The following KIF11 variants were observed in gnomAD, a reference collection of about 807,000 sequenced individuals.
KIF11 encodes the protein kinesin-like protein KIF11.
KIF11 carries 9 observed loss-of-function variants against 121.0 expected under a neutral mutation model. The observed-to-expected ratio is 0.07, with a 90% CI of 0.04 to 0.13. The LOEUF is 0.13. KIF11 is among the 10% of genes least tolerant of loss of function. The pLI is 1.00. For synonymous variants in KIF11, 408 were observed against 421.0 expected, an observed-to-expected ratio of 0.97 and a Z score of 0.38; for missense variants, 846 against 1,217.5, an observed-to-expected ratio of 0.69 and a Z score of 4.54.
chr10:92,645,390 G>T lies in KIF11; in HGVS notation c.2295G>T (p.Met765Ile). 6.2e-7 allele frequency: 1 copy of T among 1,611,712 alleles called. No homozygotes were observed. Among genetic ancestry groups the T allele is most frequent in the South Asian group, 1.1e-5 (1 of 90,758 alleles). ...QQKSKDIVNK[M>I]TFHSQKFCAD... ...AATCTAAGGATATAGTCAACAAAAT[G>T]ACTTTTCACAGTCAAAAATTTTGTG... The change falls in exon 18 of 22, where the codon ATG becomes ATT. Residue 765 changes from methionine (M) to isoleucine (I), a missense_variant. Around this residue, in one of 5 missense-constraint regions of KIF11, gnomAD observed 492 missense variants for 603.4 expected, o/e 0.82. Transcript: ENST00000260731.
chr10:92,647,743 G>A (rs1489072090), intron 18 of KIF11, among the ~76,000 whole-genome samples: 2 of 152,116 alleles, frequency 1.3e-5, no homozygotes, highest in Non-Finnish European at 2.9e-5. Flanking sequence ...TCCACTTGTT[G>A]GTAAATGTTG....
intron 4 of KIF11, 140 bp from the exon 5 acceptor site, chr10:92,608,880 G>T: frequency 1.9e-6 from 1 of 523,618 alleles, no homozygotes; most frequent in Non-Finnish European, 3.3e-6. Flanking sequence ...CTAACATTAG[G>T]TTAGTTGTTT....
chr10:92,612,026 A>G lies in KIF11; in HGVS notation c.699-1014A>G, dbSNP rs1316743688. 3.3e-5 allele frequency among the ~76,000 whole-genome samples: 5 copies of G among 152,242 alleles called. No individual in the cohort carries two copies. The East Asian group carries it at 9.6e-4, about 29-fold the overall frequency. On this transcript the variant is annotated intron_variant, in intron 6 of 21. Coordinates refer to ENST00000260731, the MANE Select transcript of KIF11 (RefSeq NM_004523.4). ...AACATAATAATGTTCACCAAATGCCATTGGATACAGAAAGAATGTCTTTGG... is the reference window on the plus strand; with the variant it reads ...AACATAATAATGTTCACCAAATGCCGTTGGATACAGAAAGAATGTCTTTGG...
intron 4 of KIF11, among the ~76,000 whole-genome samples, chr10:92,608,695 C>T (rs1844458264): frequency 6.6e-6 from 1 of 152,124 alleles, no homozygotes; most frequent in Non-Finnish European, 1.5e-5. Context: ...CCTTGACCTC[C>T]CAAAGTGCTG....
In KIF11 at chr10:92,637,392, A is replaced by T. The variant is rs772924103; in HGVS notation, c.2007A>T (p.Glu669Asp). The change falls in exon 16 of 22, where the codon GAA becomes GAT. Residue 669 changes from glutamate (E) to aspartate (D), a missense_variant. Physicochemically the swap from Glu to Asp is conservative, Grantham distance 45. Transcript: ENST00000260731. Reference protein sequence around the residue: ...KTSLTVADKIEDQKKELDGFL... With the variant: ...KTSLTVADKIDDQKKELDGFL... Reference sequence around the variant, plus strand: ...TCATTTTTGTTTCTTCAAAGATAGAAGATCAAAAAAAGGAACTAGATGGCT... The same window carrying T: ...TCATTTTTGTTTCTTCAAAGATAGATGATCAAAAAAAGGAACTAGATGGCT... The T allele has an allele frequency of 4.4e-6, 7 of 1,578,794 alleles. No individual in the cohort carries two copies. The East Asian group carries it at 1.4e-4, about 31-fold the overall frequency.
intron 14 of KIF11, 73 bp downstream of exon 14, chr10:92,633,868 A>T: frequency 1.0e-6 from 1 of 984,010 alleles, no homozygotes; most frequent in Non-Finnish European, 1.5e-6. Context: ...TTGAAGGGTT[A>T]CATTTGATAA....
At chr10:92,601,579 GTGGGCAT>G (rs1162557404) in intron 1 of KIF11, among the ~76,000 whole-genome samples, 6 of 150,964 alleles carry the variant, frequency 4.0e-5, no homozygotes, top group African/African-American at 1.5e-4. Flanking sequence ...AGTGGCAAAA[GTGGGCAT>G]TGGGCATCCT....
intron 8 of KIF11, among the ~76,000 whole-genome samples, chr10:92,614,077 A>G (rs1421072333): frequency 6.9e-6 from 1 of 144,382 alleles, no homozygotes; most frequent in African/African-American, 2.7e-5. Context: ...TATAGTAGGG[A>G]AAAAAAGTTC....
At chr10:92,596,883 T>C in intron 1 of KIF11, 1 of 225,808 alleles carries the variant, frequency 4.4e-6, no homozygotes, top group Non-Finnish European at 9.4e-6. Context: ...GGCCTCTTTG[T>C]TGATTCTGTG....
chr10:92,618,972 T>C (rs906576043), intron 9 of KIF11, among the ~76,000 whole-genome samples: 4 of 152,154 alleles, frequency 2.6e-5, no homozygotes, highest in African/African-American at 9.7e-5. Context: ...CTGTTATTGA[T>C]TGGAATCATA....
intron 12 of KIF11, among the ~76,000 whole-genome samples, 191 bp from the exon 13 acceptor site, chr10:92,632,295 G>T (rs528379489): frequency 1.3e-5 from 2 of 151,822 alleles, no homozygotes; most frequent in Admixed American, 1.3e-4. Context: ...AGCCTCTTGA[G>T]TAGCTGGAAC....
In KIF11 at chr10:92,628,872, G is replaced by T; in HGVS notation, c.1282G>T (p.Ala428Ser). 6.3e-7 allele frequency: 1 copy of T among 1,598,926 alleles called. No individual in the cohort carries two copies. Among genetic ancestry groups the T allele is most frequent in the Non-Finnish European group, 8.6e-7 (1 of 1,168,278 alleles). The change falls in exon 11 of 22, where the codon GCT (alanine) becomes TCT (serine). Residue 428 changes from alanine to serine, a missense_variant. Coordinates refer to ENST00000260731, the MANE Select transcript of KIF11 (RefSeq NM_004523.4). ...QIVELIEKIG[A>S]VEEELNRVTE... ...TGTAGAATTGATTGAAAAAATTGGT[G>T]CTGTTGAGGAGGAGCTGAATAGGGT...
intron 18 of KIF11, among the ~76,000 whole-genome samples, chr10:92,646,230 G>A (rs1589607254): frequency 6.6e-6 from 1 of 152,070 alleles, no homozygotes. Context: ...GGGATTACAG[G>A]CATGAGCCAC....
At chr10:92,653,453 C>A (rs866657202) in intron 21 of KIF11, among the ~76,000 whole-genome samples, 24 of 152,192 alleles carry the variant, frequency 1.6e-4, no homozygotes, top group Non-Finnish European at 2.8e-4. Context: ...ATTAATATTT[C>A]TTTCACTCTA....
intron 12 of KIF11, among the ~76,000 whole-genome samples, chr10:92,630,595 T>C (rs1486108524): frequency 1.3e-5 from 2 of 151,844 alleles, no homozygotes; most frequent in African/African-American, 4.8e-5. Flanking sequence ...TAGCTGGGAG[T>C]GGTGGCTCAC....
rs368854407 is a variant in KIF11 at position 92,637,374 on chromosome 10, T to C, written c.2002-13T>C. The C allele has an allele frequency of 1.1e-5, 17 of 1,578,964 alleles. No homozygotes were observed. Among genetic ancestry groups the C allele is most frequent in the Middle Eastern group, 1.7e-4 (1 of 5,988 alleles). ...GTTGTTTAAGAAGGAAACTCATTTT[T>C]GTTTCTTCAAAGATAGAAGATCAAA... On this transcript the variant is annotated splice_polypyrimidine_tract_variant and intron_variant, in intron 15 of 21. Coordinates refer to ENST00000260731, the MANE Select transcript of KIF11 (RefSeq NM_004523.4).
In KIF11 at chr10:92,593,282, A is replaced by G. The variant is rs896786457; in HGVS notation, c.-94A>G. ...GCCACGCCAGCGCCCGAGAGGGACC[A>G]GGGAGACTCCGGCCCCTGTCGGCCG... is the stretch of plus-strand genomic sequence containing the variant. On this transcript the variant is annotated 5_prime_UTR_variant, in exon 1 of 22. Coordinates refer to ENST00000260731, the MANE Select transcript of KIF11 (RefSeq NM_004523.4). The G allele has an allele frequency of 3.1e-6, 4 of 1,307,216 alleles. No homozygotes were observed. The highest frequency in any genetic ancestry group is 4.3e-6 in the Non-Finnish European group (4 of 940,354). 81.0% of individuals were successfully genotyped at this position (1,307,216 alleles called of 1,614,324 possible).
chr10:92,627,133 C>G (rs774203783), intron 10 of KIF11, among the ~76,000 whole-genome samples: 1 of 152,248 alleles, frequency 6.6e-6, no homozygotes, highest in Non-Finnish European at 1.5e-5. Context: ...TCTTCTCTTA[C>G]AGCTCTTTTC....
chr10:92,602,858 T>TGTGGG, intron 1 of KIF11, among the ~76,000 whole-genome samples: 1 of 125,148 alleles, frequency 8.0e-6, no homozygotes, highest in Admixed American at 8.3e-5. Context: ...GTGTGTGTGG[T>TGTGGG]TTTTTGTTTG....
Sources: allele counts gnomAD v4.1 joint callset (sites outside exome capture counted in the v4.1 genomes callset), GRCh38; gene constraint gnomAD v4.1.1; regional missense constraint gnomAD v4.1.1; transcripts MANE v1.5; gene names NCBI Gene and HGNC (gene_info 2026-07-23, HGNC 2026-07-21).